Variants in DTNB observed in about 807,000 individuals in gnomAD.
DTNB encodes the protein dystrobrevin beta.
A neutral mutation model predicts 90.7 loss-of-function variants in DTNB; 63 were observed. That is an observed-to-expected ratio of 0.69 (90% CI 0.57 to 0.86). The LOEUF is 0.86. Among genes scored for constraint, DTNB ranks in the 40% least tolerant of loss-of-function variants. The pLI is 0.00. For missense variants in DTNB, 744 were observed against 807.1 expected (o/e 0.92, Z 0.95); for synonymous variants, 277 against 286.7 (o/e 0.97, Z 0.34).
At chr2:25,495,735 C>T (rs893162253) in intron 9 of DTNB, among the ~76,000 whole-genome samples, 1 of 152,078 alleles carries the variant, frequency 6.6e-6, no homozygotes, top group Non-Finnish European at 1.5e-5. Flanking sequence ...GTTAAACAAA[C>T]AAGCAAAAAC....
rs553389537 is a variant in DTNB, at chr2:25,424,406, C to T, written c.1554+3129G>A. On this transcript the variant is annotated intron_variant, in intron 15 of 20. Transcript: ENST00000406818. The surrounding 1 kb of genome is among the most constrained non-coding windows in gnomAD (Gnocchi z 4.1). ...CTTAGCCCTTGAATACAAGCATCAG[C>T]GGTACACTAGAAGGCCACAGTGGCA... Among the ~76,000 whole-genome samples, 96 of 152,222 alleles carry T rather than the reference C, an allele frequency of 6.3e-4. No individual in the cohort carries two copies. In the South Asian group the frequency reaches 9.1e-3, roughly 14 times the overall value.
intron 3 of DTNB, among the ~76,000 whole-genome samples, chr2:25,632,192 C>CAAAAAAAAAAAAAAAAAAAA (rs71399307): frequency 1.3e-5 from 1 of 76,882 alleles, no homozygotes; most frequent in Admixed American, 1.6e-4. Context: ...GACTCTGTCT[C>CAAAAAAAAAAAAAAAAAAAA]AAAAAAAAAA....
At chr2:25,483,490 C>T (rs2065421098) in intron 9 of DTNB, among the ~76,000 whole-genome samples, 1 of 152,172 alleles carries the variant, frequency 6.6e-6, no homozygotes, top group Admixed American at 6.5e-5. Flanking sequence ...AGAATCTGAA[C>T]AACAAATCCA....
At position 25,652,624 on chromosome 2, in the gene DTNB, C is replaced by A; in HGVS notation, c.37G>T (p.Ala13Ser). The A allele has an allele frequency of 6.2e-7, 1 of 1,612,780 alleles. No homozygotes were observed. Among genetic ancestry groups the A allele is most frequent in the Non-Finnish European group, 8.5e-7 (1 of 1,179,714 alleles). ...TCTATGAACAGCTGCCTCTTCTCTG[C>A]CATGGTCTTCCGCTTGTTCCCACTT... is the stretch of plus-strand genomic sequence containing the variant. ...EESGNKRKTM[A>S]EKRQLFIEMR... is the part of the protein sequence containing the mutation. Residue 13 changes from alanine (A) to serine (S), a missense_variant, in exon 2 of 21, where the codon GCA becomes TCA. Physicochemically the swap from Ala to Ser is moderately conservative, Grantham distance 99. Coordinates refer to ENST00000406818, the MANE Select transcript of DTNB (RefSeq NM_021907.5).
At chr2:25,664,713 T>C (rs1194443148) in intron 1 of DTNB, among the ~76,000 whole-genome samples, 2 of 152,202 alleles carry the variant, frequency 1.3e-5, no homozygotes, top group Non-Finnish European at 2.9e-5. Flanking sequence ...GACAAGACCG[T>C]GCTGAGCTTG....
chr2:25,499,411 C>G (rs1403878276), intron 9 of DTNB, among the ~76,000 whole-genome samples: 1 of 152,112 alleles, frequency 6.6e-6, no homozygotes, highest in African/African-American at 2.4e-5. Flanking sequence ...ATGCTGTGCT[C>G]TGGGGATCTG....
intron 9 of DTNB, among the ~76,000 whole-genome samples, chr2:25,514,019 C>T (rs538768547): frequency 6.7e-6 from 1 of 150,110 alleles, no homozygotes; most frequent in East Asian, 1.9e-4. Context: ...AAAAAAAAGC[C>T]TTGCTTTCAA....
At chr2:25,501,902 C>T (rs569909284) in intron 9 of DTNB, among the ~76,000 whole-genome samples, 1 of 152,112 alleles carries the variant, frequency 6.6e-6, no homozygotes, top group African/African-American at 2.4e-5. Flanking sequence ...AAAAAAAATC[C>T]TGGCCAAATG....
In DTNB at chr2:25,628,262, G is replaced by C; in HGVS notation, c.271C>G (p.Gln91Glu). ...GTAGAAGGAAGGCGCTTGTTCAACT[G>C]ATAGTAGATGGAGGAGATGACAGTT... ...LETVISSIYY[Q>E]LNKRLPSTHQ... Residue 91 changes from glutamine to glutamate, a missense_variant, in exon 4 of 21, where the codon CAG becomes GAG. Coordinates refer to ENST00000406818, the MANE Select transcript of DTNB (RefSeq NM_021907.5). 6 of 1,613,474 alleles carry C rather than the reference G, an allele frequency of 3.7e-6. No homozygotes were observed. Among genetic ancestry groups the C allele is most frequent in the Non-Finnish European group, 5.1e-6 (6 of 1,179,840 alleles).
chr2:25,504,120 T>C (rs1297813084), intron 9 of DTNB, among the ~76,000 whole-genome samples: 2 of 151,732 alleles, frequency 1.3e-5, no homozygotes, highest in African/African-American at 4.8e-5. Context: ...ATACAAAAAT[T>C]AGCTGGGAGC....
rs1266206458 is a variant in DTNB, at chr2:25,378,113, C to T, written c.*30-560G>A. ...AGGCGGTGGGGGCACATGGCTCTGC[C>T]ACGTTCCCTTGCACCCCAGTTCCTT... On this transcript the variant is annotated intron_variant, in intron 20 of 20. Coordinates refer to ENST00000406818, the MANE Select transcript of DTNB (RefSeq NM_021907.5). 2.6e-5 allele frequency among the ~76,000 whole-genome samples: 4 copies of T among 152,298 alleles called. No homozygotes were observed. The East Asian group carries it at 5.8e-4, about 22-fold the overall frequency.
intron 5 of DTNB, among the ~76,000 whole-genome samples, chr2:25,598,518 T>C (rs745318112): frequency 6.6e-6 from 1 of 152,192 alleles, no homozygotes; most frequent in African/African-American, 2.4e-5. Flanking sequence ...GTTAACTTGC[T>C]TAAGGTCAAA....
Position 25,623,155 on chromosome 2 carries a change from A to T in DTNB, c.362+5016T>A, listed in dbSNP as rs1403625580. Among the ~76,000 whole-genome samples the T allele has an allele frequency of 3.9e-5, 6 of 152,192 alleles. 1 individual carries two copies. The highest frequency in any genetic ancestry group is 5.9e-5 in the Non-Finnish European group (4 of 68,024). On this transcript the variant is annotated intron_variant, in intron 4 of 20. Transcript: ENST00000406818. ...GAAATAATGAGCTTCTGGTAATAGC[A>T]CCCTAGGTGATTCTGATCAACTCTT...
At chr2:25,534,881 C>A (rs1298236388) in intron 8 of DTNB, among the ~76,000 whole-genome samples, 1 of 151,204 alleles carries the variant, frequency 6.6e-6, no homozygotes, top group Non-Finnish European at 1.5e-5. Context: ...GCGCTCCTCA[C>A]TTCCCAGACG....
rs1195662270 is a variant in DTNB, at chr2:25,580,780, G to A, written c.650C>T (p.Pro217Leu). The A allele has an allele frequency of 1.2e-6, 2 of 1,613,434 alleles. No individual in the cohort carries two copies. Among genetic ancestry groups the A allele is most frequent in the East Asian group, 2.2e-5 (1 of 44,882 alleles). The change falls in exon 7 of 21, where the codon CCT becomes CTT. Residue 217 changes from proline (P) to leucine (L), a missense_variant. Physicochemically the swap from Pro to Leu is moderately conservative, Grantham distance 98. Transcript: ENST00000406818. Reference protein sequence around the residue: ...NMFLDTMMADPPPQCLVWLPL... With the variant: ...NMFLDTMMADLPPQCLVWLPL... ...TAGCCAGACAAGGCACTGGGGAGGA[G>A]GGTCAGCCATCATTGTGTCTAAAAA...
intron 9 of DTNB, among the ~76,000 whole-genome samples, chr2:25,526,322 G>A (rs376359239): frequency 1.4e-5 from 2 of 139,536 alleles, no homozygotes; most frequent in South Asian, 2.2e-4. Flanking sequence ...AGAACGGACA[G>A]GTAAAATGCT....
chr2:25,668,903 C>A (rs539786207), intron 1 of DTNB, among the ~76,000 whole-genome samples: 1 of 152,208 alleles, frequency 6.6e-6, no homozygotes, highest in East Asian at 1.9e-4. Flanking sequence ...AATGAATAAA[C>A]AAAATGTGGT....
chr2:25,386,668 C>T (rs539718289), intron 18 of DTNB, among the ~76,000 whole-genome samples: 1 of 151,954 alleles, frequency 6.6e-6, no homozygotes, highest in Non-Finnish European at 1.5e-5. Flanking sequence ...TGAAATGCCA[C>T]GAGGTAAAGG....
intron 9 of DTNB, among the ~76,000 whole-genome samples, chr2:25,510,178 T>C (rs2073634487): frequency 6.6e-6 from 1 of 152,160 alleles, no homozygotes; most frequent in African/African-American, 2.4e-5. Flanking sequence ...TGTAGGTTTA[T>C]AATCTCTAAA....
Sources: allele counts gnomAD v4.1 joint callset (sites outside exome capture counted in the v4.1 genomes callset), GRCh38; gene constraint gnomAD v4.1.1; non-coding constraint Gnocchi (gnomAD v3.1); transcripts MANE v1.5; gene names NCBI Gene and HGNC (gene_info 2026-07-23, HGNC 2026-07-21).